Variants in ATAD1 observed in about 807,000 individuals in gnomAD.
ATAD1 encodes ATPase family AAA domain containing 1, also known as outer mitochondrial transmembrane helix translocase.
Under a neutral mutation model 42.7 loss-of-function variants are expected in ATAD1, and 18 were observed. The ratio of observed to expected loss-of-function variants is 0.42; its 90% confidence interval spans 0.29 to 0.63. ATAD1 has a LOEUF of 0.63. ATAD1 is among the 20% of genes least tolerant of loss of function. The probability of loss-of-function intolerance (pLI) is 0.19; values close to 1 mark genes in which losing one functional copy is unlikely to be tolerated. For synonymous variants in ATAD1, 132 were observed against 143.1 expected (o/e 0.92, Z 0.55); for missense variants, 294 against 440.4 (o/e 0.67, Z 2.98).
chr10:87,794,154 A>G (rs548132466), intron 2 of ATAD1, among the ~76,000 whole-genome samples: 1 of 152,292 alleles, frequency 6.6e-6, no homozygotes, highest in Admixed American at 6.5e-5. Flanking sequence ...TTGGAGATCA[A>G]GACTGCAGTG....
At chr10:87,820,985 C>T (rs983729679), upstream of ATAD1, among the ~76,000 whole-genome samples, 7 of 152,080 alleles carry the variant, frequency 4.6e-5, no homozygotes, top group Non-Finnish European at 1.0e-4. Flanking sequence ...TTAGAGCAGA[C>T]TGTAGACTTT....
rs1322864378 is a variant in ATAD1 at position 87,753,207 on chromosome 10, TTCAG to T, written c.*1476_*1479del. On this transcript the variant is annotated 3_prime_UTR_variant, in exon 10 of 10. Coordinates refer to ENST00000680024, the MANE Select transcript of ATAD1 (RefSeq NM_001321967.2). ...TTTTTTTCATTTTTGGTATCTTGTA[TTCAG>T]TTTTTCCATCCTCTTCACAATCTTC... The T allele has an allele frequency of 2.6e-5, 4 of 152,126 alleles. No individual in the cohort carries two copies. The highest frequency in any genetic ancestry group is 9.6e-5 in the African/African-American group (4 of 41,456). The allele number at this position is 152,126 out of a possible 1,614,324, so 9.4% of individuals were successfully genotyped here. A position where few individuals can be genotyped will look rare whatever the true frequency, so the allele number is the denominator to read the frequency against.
intron 8 of ATAD1, among the ~76,000 whole-genome samples, chr10:87,757,402 GACTGTCCTAGCCACATA>G (rs1854275660): frequency 6.6e-6 from 1 of 152,040 alleles, no homozygotes; most frequent in Non-Finnish European, 1.5e-5. Flanking sequence ...CCAATTAAGT[GACTGTCCTAGCCACATA>G]ATAGACTTGA....
intron 5 of ATAD1, among the ~76,000 whole-genome samples, chr10:87,779,850 T>C (rs1033757579): frequency 6.6e-6 from 1 of 152,188 alleles, no homozygotes; most frequent in African/African-American, 2.4e-5. Context: ...TGTATACCAA[T>C]AGGAACCTCA....
intron 6 of ATAD1, among the ~76,000 whole-genome samples, chr10:87,774,930 G>C (rs1855221837): frequency 6.6e-6 from 1 of 152,032 alleles, no homozygotes; most frequent in African/African-American, 2.4e-5. Context: ...ATTCCAACCT[G>C]GGCAACAGAG....
intron 1 of ATAD1, among the ~76,000 whole-genome samples, chr10:87,816,321 T>A (rs937391705): frequency 2.0e-5 from 3 of 152,170 alleles, no homozygotes; most frequent in African/African-American, 7.2e-5. Context: ...TCCAAAAGGT[T>A]CCACATTTCT....
chr10:87,788,738 G>A (rs888963469), intron 4 of ATAD1, among the ~76,000 whole-genome samples: 2 of 152,174 alleles, frequency 1.3e-5, no homozygotes, highest in African/African-American at 2.4e-5. Context: ...CACTAGCATT[G>A]TCCAATTGAG....
At chr10:87,800,261 A>T (rs903491985) in intron 2 of ATAD1, among the ~76,000 whole-genome samples, 6 of 152,072 alleles carry the variant, frequency 3.9e-5, no homozygotes, top group African/African-American at 7.2e-5. Context: ...ACGTTTAATA[A>T]ATTATAAGAG....
At chr10:87,795,776 A>G (rs1246727857) in intron 2 of ATAD1, among the ~76,000 whole-genome samples, 1 of 152,196 alleles carries the variant, frequency 6.6e-6, no homozygotes, top group African/African-American at 2.4e-5. Context: ...AGCAGCAGCA[A>G]AGAAAATACT....
In ATAD1 at chr10:87,811,334, A is replaced by AAAATAAAT. The variant is rs71022509; in HGVS notation, c.162+3096_162+3103dup. Among the ~76,000 whole-genome samples, 90 of 149,712 alleles carry AAAATAAAT rather than the reference A, an allele frequency of 6.0e-4. 1 individual carries two copies. The highest frequency in any genetic ancestry group is 6.8e-3 in the Middle Eastern group (2 of 292). On this transcript the variant is annotated intron_variant, in intron 2 of 9. Coordinates refer to ENST00000680024, the MANE Select transcript of ATAD1 (RefSeq NM_001321967.2). ...TGCAACACAGCAAGACTCCAACTCA[A>AAAATAAAT]AAATAAATAAATAAATAAATAAATA...
chr10:87,777,388 T>TA (rs1045240305), intron 5 of ATAD1, among the ~76,000 whole-genome samples: 5 of 152,248 alleles, frequency 3.3e-5, no homozygotes, highest in Non-Finnish European at 4.4e-5. Context: ...TTATACAAGG[T>TA]AAAAAAAGGT....
intron 6 of ATAD1, among the ~76,000 whole-genome samples, chr10:87,773,688 A>G (rs1855157479): frequency 6.6e-6 from 1 of 152,230 alleles, no homozygotes; most frequent in South Asian, 2.1e-4. Context: ...CTCTGTTTTA[A>G]GTTATGCTGT....
intron 5 of ATAD1, 132 bp downstream of exon 5, chr10:87,784,338 T>C (rs1416063898): frequency 9.1e-6 from 7 of 769,934 alleles, no homozygotes; most frequent in Non-Finnish European, 1.0e-5. Context: ...AAATTATACA[T>C]AGCATATTAT....
Position 87,754,559 on chromosome 10 carries a change from T to C in ATAD1, c.*128A>G. On this transcript the variant is annotated 3_prime_UTR_variant, in exon 10 of 10. Transcript: ENST00000680024. ...CAACTATATCTCAATAACTTAGAAT[T>C]CAGAGTATAAAACCATAAACACTGA... 1 of 1,118,678 alleles carries C rather than the reference T, an allele frequency of 8.9e-7. No individual in the cohort carries two copies. The highest frequency in any genetic ancestry group is 1.2e-6 in the Non-Finnish European group (1 of 817,632). 69.3% of individuals were successfully genotyped at this position (1,118,678 alleles called of 1,614,324 possible). A position where few individuals can be genotyped will look rare whatever the true frequency, so the allele number is the denominator to read the frequency against.
rs11202548 is a variant in ATAD1 at position 87,770,178 on chromosome 10, T to C, written c.780+774A>G. On this transcript the variant is annotated intron_variant, in intron 7 of 9. Coordinates refer to ENST00000680024, the MANE Select transcript of ATAD1 (RefSeq NM_001321967.2). ...AAAACCAATCTGATAAATTACAGAA[T>C]ATAAATGGGACAAATGATTTTTAGC... 1.6e-3 allele frequency among the ~76,000 whole-genome samples: 237 copies of C among 152,292 alleles called. 1 individual carries two copies. The highest frequency in any genetic ancestry group is 5.4e-3 in the African/African-American group (225 of 41,564).
chr10:87,838,337 G>A (rs926641935), intron 1 of ATAD1, among the ~76,000 whole-genome samples: 7 of 152,038 alleles, frequency 4.6e-5, no homozygotes, highest in Admixed American at 3.3e-4. Context: ...GACCAGCCTG[G>A]CCAACATGTT....
intron 9 of ATAD1, among the ~76,000 whole-genome samples, chr10:87,756,478 T>C (rs1006886831): frequency 1.3e-5 from 2 of 152,198 alleles, no homozygotes; most frequent in Non-Finnish European, 2.9e-5. Flanking sequence ...CAAATTGAGG[T>C]CTAGTCTTCA....
chr10:87,818,572 C>G (rs1180119070), upstream of ATAD1: 1 of 152,324 alleles, frequency 6.6e-6, no homozygotes, highest in African/African-American at 2.4e-5. Flanking sequence ...GCGTACCCAG[C>G]AAATACATTC....
chr10:87,827,079 C>T (rs1857743804), intron 1 of ATAD1, among the ~76,000 whole-genome samples: 1 of 152,182 alleles, frequency 6.6e-6, no homozygotes, highest in Non-Finnish European at 1.5e-5. Flanking sequence ...AGGTGAAGAA[C>T]AAATATAGTC....
Sources: allele counts gnomAD v4.1 joint callset (sites outside exome capture counted in the v4.1 genomes callset), GRCh38; gene constraint gnomAD v4.1.1; transcripts MANE v1.5; gene names NCBI Gene and HGNC (gene_info 2026-07-23, HGNC 2026-07-21).